Variants in WDR70 observed in about 807,000 individuals in gnomAD.
WDR70 encodes WD repeat domain 70.
Under a neutral mutation model 88.6 loss-of-function variants are expected in WDR70, and 53 were observed. The observed-to-expected ratio is 0.60, with a 90% confidence interval of 0.48 to 0.75. The LOEUF is 0.75. Among genes scored for constraint, WDR70 ranks in the 30% least tolerant of loss-of-function variants. WDR70 has a pLI of 0.00. For missense variants in WDR70, 610 were observed against 823.2 expected (o/e 0.74, Z 3.17); for synonymous variants, 280 against 270.0 (o/e 1.04, Z -0.36).
chr5:37,511,053 T>G (rs1406405133), intron 8 of WDR70, among the ~76,000 whole-genome samples: 1 of 152,224 alleles, frequency 6.6e-6, no homozygotes, highest in Non-Finnish European at 1.5e-5. Flanking sequence ...AGTTACTGTC[T>G]TCTCATTGCA....
At chr5:37,512,330 C>G (rs940581116) in intron 8 of WDR70, among the ~76,000 whole-genome samples, 1 of 152,040 alleles carries the variant, frequency 6.6e-6, no homozygotes, top group Non-Finnish European at 1.5e-5. Context: ...TCAAGCCATC[C>G]TCCACCTCAG....
intron 8 of WDR70, among the ~76,000 whole-genome samples, chr5:37,511,361 T>G (rs976253679): frequency 1.3e-5 from 2 of 152,178 alleles, no homozygotes; most frequent in African/African-American, 2.4e-5. Flanking sequence ...GCCCTAACTA[T>G]TCCAGATTTA....
chr5:37,551,469 C>T (rs1302534439), intron 9 of WDR70, among the ~76,000 whole-genome samples: 2 of 151,948 alleles, frequency 1.3e-5, no homozygotes, highest in East Asian at 2.0e-4. Context: ...GTGGCTCACA[C>T]CTCTAATCCT....
chr5:37,711,414 G>A (rs1378067034), intron 13 of WDR70, among the ~76,000 whole-genome samples: 1 of 152,116 alleles, frequency 6.6e-6, no homozygotes, highest in Non-Finnish European at 1.5e-5. Context: ...GTTCATTTCT[G>A]TGTATGAAAT....
chr5:37,675,584 T>C (rs1339871764), intron 10 of WDR70, among the ~76,000 whole-genome samples: 6 of 152,146 alleles, frequency 3.9e-5, no homozygotes, highest in African/African-American at 1.2e-4. Flanking sequence ...TTCTGTTCCA[T>C]TGATCTATAT....
rs561957867 is a variant in WDR70 at position 37,577,599 on chromosome 5, A to T, written c.918-27465A>T. Among the ~76,000 whole-genome samples the T allele has an allele frequency of 3.1e-3, 474 of 152,236 alleles. 1 individual carries two copies. Among genetic ancestry groups the T allele is most frequent in the African/African-American group, 0.011 (446 of 41,518 alleles). On this transcript the variant is annotated intron_variant, in intron 9 of 17. Transcript: ENST00000265107. ...TAGTTGAGAATGGAGGAGGAGAGAG[A>T]TACACGTGTGAGGCAAAATTATATT...
At chr5:37,460,475 G>A (rs1226461166) in intron 7 of WDR70, among the ~76,000 whole-genome samples, 2 of 57,160 alleles carry the variant, frequency 3.5e-5, no homozygotes, top group Non-Finnish European at 7.7e-5. Flanking sequence ...TCACTCATAG[G>A]TGGGAATTGA....
chr5:37,702,888 A>ATGAT, intron 12 of WDR70, 61 bp from the exon 13 acceptor site: 1 of 1,504,664 alleles, frequency 6.6e-7, no homozygotes. Flanking sequence ...TAATTCACTA[A>ATGAT]TGATTGCTGG....
chr5:37,608,129 C>T (rs933982884), intron 10 of WDR70, among the ~76,000 whole-genome samples: 3 of 151,410 alleles, frequency 2.0e-5, no homozygotes, highest in African/African-American at 4.9e-5. Flanking sequence ...GCTACCTCCA[C>T]CTCCCGGATT....
In WDR70 at chr5:37,415,567, AC is replaced by A. The variant is rs1308997456; in HGVS notation, c.492+19003del. Among the ~76,000 whole-genome samples, 7 of 95,358 alleles carry A rather than the reference AC, an allele frequency of 7.3e-5. 1 individual carries two copies. Among genetic ancestry groups the A allele is most frequent in the Non-Finnish European group, 1.5e-4 (7 of 46,372 alleles). 62.6% of individuals were successfully genotyped at this position (95,358 alleles called of 152,430 possible). The stretch of plus-strand genomic sequence containing the variant: ...GGGCGGCTGGCCGGGCAGGGGGCTG[AC>A]CCCCCACCTCCCTCCCGGACGGGGC... On this transcript the variant is annotated intron_variant, in intron 5 of 17. Transcript: ENST00000265107.
At chr5:37,495,315 C>T (rs1165028733) in intron 8 of WDR70, among the ~76,000 whole-genome samples, 3 of 152,104 alleles carry the variant, frequency 2.0e-5, no homozygotes, top group Non-Finnish European at 2.9e-5. Flanking sequence ...GTTAGCTCAA[C>T]ATGCCAAAGA....
rs547636556 is a variant in WDR70, at chr5:37,477,547, C to T, written c.687-2287C>T. Among the ~76,000 whole-genome samples the T allele has an allele frequency of 3.9e-5, 6 of 152,294 alleles. No individual in the cohort carries two copies. In the South Asian group the frequency reaches 6.2e-4, roughly 16 times the overall value. The stretch of plus-strand genomic sequence containing the variant: ...GGTCAAGTTAAGAGTTGCTGTTGGG[C>T]TCATCTACAACTTCTATTCATGCCA... On this transcript the variant is annotated intron_variant, in intron 7 of 17. Coordinates refer to ENST00000265107, the MANE Select transcript of WDR70 (RefSeq NM_018034.4).
chr5:37,548,634 C>G (rs1742060812), intron 9 of WDR70, among the ~76,000 whole-genome samples: 1 of 152,080 alleles, frequency 6.6e-6, no homozygotes, highest in South Asian at 2.1e-4. Context: ...TGTGCAGAAA[C>G]TTTTTAACTT....
At chr5:37,723,155 A>G in intron 15 of WDR70, 2 of 570,374 alleles carry the variant, frequency 3.5e-6, no homozygotes, top group South Asian at 2.3e-5. Flanking sequence ...TCAACCCAAA[A>G]GGGAAAAGCC....
chr5:37,733,631 C>T (rs949595565), intron 17 of WDR70, among the ~76,000 whole-genome samples: 3 of 151,906 alleles, frequency 2.0e-5, no homozygotes, highest in African/African-American at 7.3e-5. Flanking sequence ...GTAGCGCTGC[C>T]TGTTCTCATT....
chr5:37,502,039 A>C (rs1426065832), intron 8 of WDR70, among the ~76,000 whole-genome samples: 1 of 152,148 alleles, frequency 6.6e-6, no homozygotes, highest in Non-Finnish European at 1.5e-5. Context: ...GATCATTTTC[A>C]TGATATTGGT....
rs2112282180 is a variant in WDR70, at chr5:37,523,850, T to C, written c.917+7260T>C. ...CGACGCATGCACAAGCTTCAATAGC[T>C]GATTCAATCAACTGGAATAAAGGGT... is the stretch of plus-strand genomic sequence containing the variant. On this transcript the variant is annotated intron_variant, in intron 9 of 17. Transcript: ENST00000265107. 1.3e-5 allele frequency among the ~76,000 whole-genome samples: 2 copies of C among 152,304 alleles called. 1 individual carries two copies. The highest frequency in any genetic ancestry group is 4.1e-4 in the South Asian group (2 of 4,830).
chr5:37,673,887 G>A (rs1210546401), intron 10 of WDR70, among the ~76,000 whole-genome samples: 4 of 152,006 alleles, frequency 2.6e-5, no homozygotes, highest in Non-Finnish European at 2.9e-5. Flanking sequence ...CTGTTCCTGC[G>A]TTAGTTTGCT....
chr5:37,443,056 A>G (rs1050624390), intron 6 of WDR70, among the ~76,000 whole-genome samples, 183 bp from the exon 7 acceptor site: 9 of 152,226 alleles, frequency 5.9e-5, no homozygotes, highest in African/African-American at 2.2e-4. Context: ...TTAATATAGT[A>G]ACAAAGTCTA....
Sources: gnomAD v4.1 joint callset for allele counts (sites outside exome capture counted in the v4.1 genomes callset) on GRCh38, gnomAD v4.1.1 for gene constraint, MANE v1.5 for transcripts, NCBI Gene and HGNC (gene_info 2026-07-23, HGNC 2026-07-21) for gene names.